The following NPY2R variants were observed in gnomAD, a reference collection of about 807,000 sequenced individuals.
The protein encoded by NPY2R is neuropeptide Y receptor type 2.
In NPY2R, 17 loss-of-function variants were observed where a neutral mutation model predicts 22.3. The ratio of observed to expected loss-of-function variants is 0.76; its 90% CI spans 0.52 to 1.14. The LOEUF (loss-of-function observed/expected upper bound fraction) is 1.14. Ranked by LOEUF, NPY2R falls within the 50% of genes most tolerant of loss-of-function variation. The pLI, the probability that NPY2R is intolerant of heterozygous loss-of-function variation, is 0.00. For synonymous variants in NPY2R, 209 were observed against 183.4 expected (o/e 1.14, Z -1.13); for missense variants, 424 against 467.9 (o/e 0.91, Z 0.87).
upstream of NPY2R, among the ~76,000 whole-genome samples, chr4:155,204,196 T>G (rs1423280264): frequency 1.3e-5 from 2 of 149,370 alleles, no homozygotes; most frequent in East Asian, 3.9e-4. Flanking sequence ...GATATTAAGG[T>G]GAGGGGAAAA....
chr4:155,214,807 G>A lies in NPY2R; in HGVS notation c.868G>A (p.Ala290Thr). The change falls in exon 2 of 2, where the codon GCC becomes ACC. Residue 290 changes from alanine (A) to threonine (T), a missense_variant. Transcript: ENST00000329476. ...GCTGCCTCTCCATGCCTTCCAGCTT[G>A]CCGTTGACATTGACAGCCAGGTCCT... ...SWLPLHAFQLAVDIDSQVLDL... is the reference protein window; with the variant it reads ...SWLPLHAFQLTVDIDSQVLDL... The A allele has an allele frequency of 6.2e-7, 1 of 1,612,422 alleles. No homozygotes were observed. Among genetic ancestry groups the A allele is most frequent in the Non-Finnish European group, 8.5e-7 (1 of 1,178,780 alleles).
the NPY2R span, among the ~76,000 whole-genome samples, chr4:155,177,765 C>T: frequency 6.6e-6 from 1 of 152,112 alleles, no homozygotes; most frequent in Non-Finnish European, 1.5e-5. Flanking sequence ...ATAGAGTTAG[C>T]ACCACATGTA....
the NPY2R span, among the ~76,000 whole-genome samples, chr4:155,197,309 G>A: frequency 6.6e-6 from 1 of 151,788 alleles, no homozygotes; most frequent in African/African-American, 2.4e-5. Context: ...ATTATTTGTA[G>A]GTATCATATT....
chr4:155,184,228 A>AAT, the NPY2R span, among the ~76,000 whole-genome samples: 135,850 of 152,156 alleles, frequency 0.89, 60,787 homozygotes, highest in East Asian at 1. Context: ...AGCCTCAAAC[A>AAT]ATTTCTCCTT....
rs775926434 is a variant in NPY2R at position 155,214,838 on chromosome 4, T to C, written c.899T>C (p.Leu300Pro). The C allele has an allele frequency of 1.2e-6, 2 of 1,610,292 alleles. No individual in the cohort carries two copies. Among genetic ancestry groups the C allele is most frequent in the Non-Finnish European group, 1.7e-6 (2 of 1,177,678 alleles). ...AVDIDSQVLD[L>P]KEYKLIFTVF... The stretch of plus-strand genomic sequence containing the variant: ...GACATTGACAGCCAGGTCCTGGACC[T>C]GAAGGAGTACAAACTCATCTTCACA... The change falls in exon 2 of 2, where the codon CTG becomes CCG. Residue 300 changes from leucine to proline, a missense_variant. Coordinates refer to ENST00000329476, the MANE Select transcript of NPY2R (RefSeq NM_000910.4).
At chr4:155,206,133 A>G (rs1490408727), upstream of NPY2R, among the ~76,000 whole-genome samples, 1 of 152,124 alleles carries the variant, frequency 6.6e-6, no homozygotes, top group African/African-American at 2.4e-5. Context: ...TGGTCCATTT[A>G]TGTCATTGGC....
chr4:155,198,614 T>TAATATATTATATATAATA, the NPY2R span, among the ~76,000 whole-genome samples: 4 of 147,580 alleles, frequency 2.7e-5, no homozygotes, highest in South Asian at 4.2e-4. Context: ...TTGATATATA[T>TAATATATTATATATAATA]TTTTTTTCTG....
chr4:155,182,672 T>G, the NPY2R span, among the ~76,000 whole-genome samples: 1 of 152,170 alleles, frequency 6.6e-6, no homozygotes, highest in Non-Finnish European at 1.5e-5. Context: ...TAATAGATTT[T>G]GACCAAGAAT....
Position 155,214,088 on chromosome 4 carries a change from A to C in NPY2R, c.149A>C (p.Gln50Pro). 6.2e-7 allele frequency: 1 copy of C among 1,614,022 alleles called. No homozygotes were observed. Among genetic ancestry groups the C allele is most frequent in the Non-Finnish European group, 8.5e-7 (1 of 1,179,924 alleles). The change falls in exon 2 of 2, where the codon CAA becomes CCA. Residue 50 changes from glutamine to proline, a missense_variant. Physicochemically the swap from Gln to Pro is moderately conservative, Grantham distance 76 (BLOSUM62 -1). Transcript: ENST00000329476. Reference protein sequence around the residue: ...LIDSTKLIEVQVVLILAYCSI... With the variant: ...LIDSTKLIEVPVVLILAYCSI... ...GATAGTACCAAGCTGATTGAGGTACAAGTTGTTCTCATATTGGCCTACTGC... is the reference window on the plus strand; with the variant it reads ...GATAGTACCAAGCTGATTGAGGTACCAGTTGTTCTCATATTGGCCTACTGC...
At chr4:155,210,287 T>C (rs1729377070) in intron 1 of NPY2R, among the ~76,000 whole-genome samples, 1 of 151,468 alleles carries the variant, frequency 6.6e-6, no homozygotes, top group East Asian at 1.9e-4. Flanking sequence ...GCTAACACTG[T>C]CTATATTCTA....
chr4:155,209,231 C>A (rs369023156), intron 1 of NPY2R, among the ~76,000 whole-genome samples, 162 bp downstream of exon 1: 29 of 152,264 alleles, frequency 1.9e-4, no homozygotes, highest in East Asian at 1.2e-3. Context: ...GTAATACCAT[C>A]CCCATTTTCT....
At chr4:155,202,459 G>A in the NPY2R span, among the ~76,000 whole-genome samples, 3 of 152,084 alleles carry the variant, frequency 2.0e-5, no homozygotes, top group East Asian at 1.9e-4. Flanking sequence ...ATCTTTACAC[G>A]GACAGTGTCT....
At chr4:155,209,749 A>G (rs1344395344) in intron 1 of NPY2R, among the ~76,000 whole-genome samples, 5 of 151,668 alleles carry the variant, frequency 3.3e-5, no homozygotes, top group Middle Eastern at 3.4e-3. Flanking sequence ...TTGATTTCTG[A>G]GACTGATTTC....
chr4:155,177,918 C>T, the NPY2R span, among the ~76,000 whole-genome samples: 5 of 151,998 alleles, frequency 3.3e-5, no homozygotes, highest in Admixed American at 6.5e-5. Context: ...TTGGAGAGAA[C>T]CTACCTTCAA....
At chr4:155,176,220 C>T in the NPY2R span, among the ~76,000 whole-genome samples, 1 of 152,096 alleles carries the variant, frequency 6.6e-6, no homozygotes, top group South Asian at 2.1e-4. Flanking sequence ...CTGTATATCC[C>T]TTCTCTTGGC....
the NPY2R span, among the ~76,000 whole-genome samples, chr4:155,182,811 G>C: frequency 0.021 from 3,206 of 152,084 alleles, 106 homozygotes; most frequent in African/African-American, 0.074. Flanking sequence ...TTTGTTTTTT[G>C]AGATGGAGTC....
chr4:155,191,700 A>G, the NPY2R span, among the ~76,000 whole-genome samples: 205 of 151,978 alleles, frequency 1.3e-3, no homozygotes, highest in Non-Finnish European at 2.6e-3. Flanking sequence ...CAGTTTTCCT[A>G]TGGAACATTA....
At chr4:155,191,907 A>G in the NPY2R span, among the ~76,000 whole-genome samples, 1 of 151,928 alleles carries the variant, frequency 6.6e-6, no homozygotes, top group Non-Finnish European at 1.5e-5. Flanking sequence ...TTTTATTTTA[A>G]AAGGTTGTTT....
At chr4:155,203,012 T>G in the NPY2R span, among the ~76,000 whole-genome samples, 1 of 152,172 alleles carries the variant, frequency 6.6e-6, no homozygotes, top group African/African-American at 2.4e-5. Context: ...GTGAATCATT[T>G]GCATTTAAAT....
Sources: gnomAD v4.1 joint callset for allele counts (sites outside exome capture counted in the v4.1 genomes callset) on GRCh38, gnomAD v4.1.1 for gene constraint, MANE v1.5 for transcripts, NCBI Gene and HGNC (gene_info 2026-07-23, HGNC 2026-07-21) for gene names.